PROX2: variants seen among roughly 807,000 people sequenced by gnomAD.
The protein encoded by PROX2 is prospero homeobox protein 2.
A neutral mutation model predicts 48.9 loss-of-function variants in PROX2; 46 were observed. The ratio of observed to expected loss-of-function variants is 0.94; its 90% CI spans 0.74 to 1.20. The LOEUF (loss-of-function observed/expected upper bound fraction) is 1.20, where lower values mean the gene tolerates loss of function less well. Ranked by LOEUF, PROX2 falls within the 50% of genes most tolerant of loss-of-function variation. The pLI, the probability that PROX2 is intolerant of heterozygous loss-of-function variation, is 0.00. For missense variants in PROX2, 663 were observed against 719.4 expected (o/e 0.92, Z 0.90); for synonymous variants, 260 against 276.6 (o/e 0.94, Z 0.60).
At chr14:74,861,194 G>A (rs1172689276) in intron 3 of PROX2, 1 of 1,351,974 alleles carries the variant, frequency 7.4e-7, no homozygotes, top group Admixed American at 1.9e-5. Context: ...CCAGGCAAAG[G>A]ACACGACTGT....
chr14:74,862,082 C>T (rs2140167138), intron 3 of PROX2, among the ~76,000 whole-genome samples: 1 of 152,324 alleles, frequency 6.6e-6, no homozygotes, highest in East Asian at 1.9e-4. Flanking sequence ...TCCTTAAATT[C>T]CAGAATGTGG....
chr14:74,867,239 C>T (rs780252517), intron 2 of PROX2, among the ~76,000 whole-genome samples: 3 of 152,198 alleles, frequency 2.0e-5, no homozygotes, highest in Non-Finnish European at 2.9e-5. Flanking sequence ...AACATGGTCT[C>T]GATCTAACTC....
intron 2 of PROX2, among the ~76,000 whole-genome samples, chr14:74,869,220 C>T (rs1263430301): frequency 6.6e-6 from 1 of 152,064 alleles, no homozygotes; most frequent in Non-Finnish European, 1.5e-5. Flanking sequence ...TTCCAACTGT[C>T]CTCCAGAAAT....
At chr14:74,861,995 C>T (rs1263064368) in intron 3 of PROX2, among the ~76,000 whole-genome samples, 1 of 152,090 alleles carries the variant, frequency 6.6e-6, no homozygotes, top group Non-Finnish European at 1.5e-5. Flanking sequence ...CAAAACAAAA[C>T]CCTTTTAGAC....
chr14:74,865,848 A>G lies in PROX2; in HGVS notation c.-174-1840T>C, dbSNP rs1280617425. 1.1e-3 allele frequency among the ~76,000 whole-genome samples: 162 copies of G among 151,994 alleles called. 1 individual carries two copies. Among genetic ancestry groups the G allele is most frequent in the Non-Finnish European group, 1.8e-4 (12 of 67,996 alleles). ...TCTGTCTAAAAAAAATCATAATCAT[A>G]GTAATTAAACTGGCAGAACTGATAT... On this transcript the variant is annotated intron_variant, in intron 2 of 5. Coordinates refer to ENST00000556489, the MANE Select transcript of PROX2 (RefSeq NM_001243007.2).
chr14:74,863,318 G>C lies in PROX2; in HGVS notation c.517C>G (p.Leu173Val). 6.2e-7 allele frequency: 1 copy of C among 1,614,086 alleles called. No individual in the cohort carries two copies. The highest frequency in any genetic ancestry group is 8.5e-7 in the Non-Finnish European group (1 of 1,179,910). Residue 173 changes from leucine (L) to valine (V), a missense_variant, in exon 3 of 6, where the codon CTG becomes GTG. By Grantham distance (32) the Leu-to-Val change is conservative. Coordinates refer to ENST00000556489, the MANE Select transcript of PROX2 (RefSeq NM_001243007.2). The part of the protein sequence containing the change: ...PGGCGTGKGP[L>V]SAKQGNGCGP... ...CAGCCATTCCCCTGCTTTGCACTCA[G>C]AGGGCCTTTCCCCGTGCCACAGCCT... is the stretch of plus-strand genomic sequence containing the variant.
intron 2 of PROX2, among the ~76,000 whole-genome samples, chr14:74,870,347 A>C (rs905454560): frequency 6.6e-6 from 1 of 150,456 alleles, no homozygotes; most frequent in African/African-American, 2.5e-5. Flanking sequence ...GATCACTGAG[A>C]CCAAGAAGTT....
chr14:74,864,289 C>T (rs1346378394), intron 2 of PROX2, among the ~76,000 whole-genome samples: 2 of 150,956 alleles, frequency 1.3e-5, no homozygotes, highest in African/African-American at 2.5e-5. Flanking sequence ...ATAATAATAT[C>T]GTAGTGGCAG....
rs763337705 is a variant in PROX2, at chr14:74,854,379, C to T, written c.*753G>A. ...GTGCTGGGCAGGAGTTGTCAGGTGA[C>T]GGTGCCCTGTCAGCGCTGGATGCTT... On this transcript the variant is annotated 3_prime_UTR_variant, in exon 6 of 6. Coordinates refer to ENST00000556489, the MANE Select transcript of PROX2 (RefSeq NM_001243007.2). 11 of 311,754 alleles carry T rather than the reference C, an allele frequency of 3.5e-5. No individual in the cohort carries two copies. The highest frequency in any genetic ancestry group is 8.2e-5 in the Admixed American group (2 of 24,354). The allele number at this position is 311,754 out of a possible 1,614,324, so 19.3% of individuals were successfully genotyped here.
At chr14:74,866,750 G>T (rs902910463) in intron 2 of PROX2, among the ~76,000 whole-genome samples, 5 of 152,196 alleles carry the variant, frequency 3.3e-5, no homozygotes, top group Non-Finnish European at 7.4e-5. Context: ...ACTCTTTCAA[G>T]GAGTTTTGTA....
At chr14:74,858,168 T>G in intron 4 of PROX2, 1 of 383,684 alleles carries the variant, frequency 2.6e-6, no homozygotes, top group Non-Finnish European at 4.7e-6. Flanking sequence ...TGTGTTTCTG[T>G]TTTGGGGATT....
intron 2 of PROX2, among the ~76,000 whole-genome samples, chr14:74,864,986 A>G (rs1428809888): frequency 6.6e-6 from 1 of 151,508 alleles, no homozygotes; most frequent in Non-Finnish European, 1.5e-5. Flanking sequence ...TCTACTAAAA[A>G]TAAAAAAAAT....
intron 3 of PROX2, chr14:74,858,778 T>TTTTGTGTG (rs1555371206): frequency 1.4e-5 from 3 of 214,442 alleles, no homozygotes; most frequent in South Asian, 6.7e-5. Context: ...TTGGTGTATT[T>TTTTGTGTG]TGTGTGTGTG....
In PROX2 at chr14:74,854,273, C is replaced by G. The variant is rs1432109893; in HGVS notation, c.*859G>C. 2.1e-6 allele frequency: 1 copy of G among 482,198 alleles called. No individual in the cohort carries two copies. The highest frequency in any genetic ancestry group is 2.0e-5 in the African/African-American group (1 of 51,160). The allele number at this position is 482,198 out of a possible 1,614,324, so 29.9% of individuals were successfully genotyped here. A position where few individuals can be genotyped will look rare whatever the true frequency, so the allele number is the denominator to read the frequency against. On this transcript the variant is annotated 3_prime_UTR_variant, in exon 6 of 6. Transcript: ENST00000556489. ...CCAGCAGACAAATGTGAATAAACAG[C>G]AACACTCAAGTCCTGCATAAAGTTT...
intron 2 of PROX2, among the ~76,000 whole-genome samples, chr14:74,868,347 ATATATATAT>A: frequency 7.3e-6 from 1 of 136,944 alleles, no homozygotes. Context: ...ATATATATAT[ATATATATAT>A]ATATAAACAA....
At chr14:74,860,858 C>CA (rs532139148) in intron 3 of PROX2, among the ~76,000 whole-genome samples, 20 of 152,284 alleles carry the variant, frequency 1.3e-4, no homozygotes, top group Middle Eastern at 3.4e-3. Flanking sequence ...AGGTGCTCAA[C>CA]AAATAGCAAA....
rs1181497816 is a variant in PROX2, at chr14:74,863,925, A to C, written c.-91T>G. 2 of 1,366,124 alleles carry C rather than the reference A, an allele frequency of 1.5e-6. No individual in the cohort carries two copies. The highest frequency in any genetic ancestry group is 1.9e-6 in the Non-Finnish European group (2 of 1,064,648). 84.6% of individuals were successfully genotyped at this position (1,366,124 alleles called of 1,614,324 possible). A position where few individuals can be genotyped will look rare whatever the true frequency, so the allele number is the denominator to read the frequency against. Reference sequence around the variant, plus strand: ...GAATGCGCTGGGCTTCCTCCTCTGCACTTAGAAGGGTAAAGAGCCACTGTC... The same window carrying C: ...GAATGCGCTGGGCTTCCTCCTCTGCCCTTAGAAGGGTAAAGAGCCACTGTC... On this transcript the variant is annotated 5_prime_UTR_variant, in exon 3 of 6. Transcript: ENST00000556489.
At chr14:74,874,914 AT>A (rs1014102817) in intron 1 of PROX2, among the ~76,000 whole-genome samples, 1 of 151,790 alleles carries the variant, frequency 6.6e-6, no homozygotes, top group African/African-American at 2.4e-5. Flanking sequence ...GGAGGCTGAG[AT>A]GGGTAGATCG....
chr14:74,863,800 G>A lies in PROX2; in HGVS notation c.35C>T (p.Pro12Leu), dbSNP rs936587323. 6.6e-7 allele frequency: 1 copy of A among 1,513,774 alleles called. No individual in the cohort carries two copies. The highest frequency in any genetic ancestry group is 8.8e-7 in the Non-Finnish European group (1 of 1,135,172). The allele number at this position is 1,513,774 out of a possible 1,614,324, so 93.8% of individuals were successfully genotyped here. A position where few individuals can be genotyped will look rare whatever the true frequency, so the allele number is the denominator to read the frequency against. The change falls in exon 3 of 6, where the codon CCC becomes CTC. Residue 12 changes from proline (P) to leucine (L), a missense_variant. Coordinates refer to ENST00000556489, the MANE Select transcript of PROX2 (RefSeq NM_001243007.2). Reference sequence around the variant, plus strand: ...TTCTGCTAGGTGGGAGCAGATCTGGGGCTGAGGAGAAAGCAAGATGGAGTT... The same window carrying A: ...TTCTGCTAGGTGGGAGCAGATCTGGAGCTGAGGAGAAAGCAAGATGGAGTT... ...DPNSILLSPQ[P>L]QICSHLAEAC...
Sources: allele counts gnomAD v4.1 joint callset (sites outside exome capture counted in the v4.1 genomes callset), GRCh38; gene constraint gnomAD v4.1.1; transcripts MANE v1.5; gene names NCBI Gene and HGNC (gene_info 2026-07-23, HGNC 2026-07-21).